Variants in STK32C observed in about 807,000 individuals in gnomAD.
The protein encoded by STK32C is serine/threonine kinase 32C.
In STK32C, 31 loss-of-function variants were observed where a neutral mutation model predicts 56.5. The ratio of observed to expected loss-of-function variants is 0.55; its 90% confidence interval spans 0.41 to 0.74. The LOEUF is 0.74. Among genes scored for constraint, STK32C ranks in the 30% least tolerant of loss-of-function variants. The pLI is 0.00. For missense variants in STK32C, 544 were observed against 676.9 expected (o/e 0.80, Z 2.18); for synonymous variants, 309 against 289.4 (o/e 1.07, Z -0.69).
At chr10:132,278,690 G>A (rs2065061416) in intron 1 of STK32C, among the ~76,000 whole-genome samples, 1 of 151,346 alleles carries the variant, frequency 6.6e-6, no homozygotes, top group African/African-American at 2.4e-5. Flanking sequence ...AACCCGGGAG[G>A]CGGAGCTTGC....
intron 1 of STK32C, among the ~76,000 whole-genome samples, chr10:132,318,626 A>T (rs994482425): frequency 5.9e-5 from 9 of 152,096 alleles, no homozygotes; most frequent in Admixed American, 5.9e-4. Context: ...AAAAACAAAA[A>T]AAAAAAGGAA....
In STK32C at chr10:132,263,903, G is replaced by T. The variant is rs1262472275; in HGVS notation, c.263-17948C>A. ...AAAAAAAGTTGGGATTATAAAAAAA[G>T]AAAAAGCATGGCGCAGTGACACATG... is the stretch of plus-strand genomic sequence containing the variant. On this transcript the variant is annotated intron_variant, in intron 1 of 11. Coordinates refer to ENST00000298630, the MANE Select transcript of STK32C (RefSeq NM_173575.4). Among the ~76,000 whole-genome samples the T allele has an allele frequency of 2.1e-5, 3 of 142,210 alleles. No individual in the cohort carries two copies. The South Asian group carries it at 6.7e-4, about 32-fold the overall frequency. 93.3% of individuals were successfully genotyped at this position (142,210 alleles called of 152,430 possible). A position where few individuals can be genotyped will look rare whatever the true frequency, so the allele number is the denominator to read the frequency against.
chr10:132,229,663 C>A (rs932205192), intron 2 of STK32C, among the ~76,000 whole-genome samples: 4 of 152,216 alleles, frequency 2.6e-5, no homozygotes, highest in Non-Finnish European at 5.9e-5. Flanking sequence ...GCCCTGGAGG[C>A]ACCTGTCTCA....
At chr10:132,331,937 C>CGCT, upstream of STK32C, 1 of 591,164 alleles carries the variant, frequency 1.7e-6, no homozygotes, top group Non-Finnish European at 2.7e-6. Flanking sequence ...GCAAGCGCAA[C>CGCT]CCCCCGCCCC....
chr10:132,294,284 A>G (rs1042763305), intron 1 of STK32C, among the ~76,000 whole-genome samples: 1 of 152,144 alleles, frequency 6.6e-6, no homozygotes, highest in African/African-American at 2.4e-5. Flanking sequence ...GTTGGGGATC[A>G]GGAGTGTCAG....
At chr10:132,210,569 A>C (rs531466932) in intron 10 of STK32C, among the ~76,000 whole-genome samples, 1 of 152,310 alleles carries the variant, frequency 6.6e-6, no homozygotes, top group East Asian at 1.9e-4. Context: ...ATTAATGCTG[A>C]TTGCCAAGTG....
chr10:132,254,778 C>T (rs1280064412), intron 1 of STK32C, among the ~76,000 whole-genome samples: 4 of 151,896 alleles, frequency 2.6e-5, no homozygotes, highest in Admixed American at 2.0e-4. Context: ...TATGTCACCC[C>T]GGCACAATGC....
chr10:132,209,036 TTC>T lies in STK32C; in HGVS notation c.1315_1316del (p.Glu439LysfsTer17). 1 of 1,613,718 alleles carries T rather than the reference TTC, an allele frequency of 6.2e-7. No individual in the cohort carries two copies. Among genetic ancestry groups the T allele is most frequent in the Non-Finnish European group, 8.5e-7 (1 of 1,179,854 alleles). On this transcript the variant is annotated frameshift_variant, in exon 11 of 12. Coordinates refer to ENST00000298630, the MANE Select transcript of STK32C (RefSeq NM_173575.4). LOFTEE classifies it low-confidence loss of function (END_TRUNC). ...CCACCCACCCCCAACACACTCACTT[TTC>T]TCTGTTAAAAATCACGAAGTCTTGC... ...IQQDFVIFNR[E>X]KLKRSQDLPR...
intron 10 of STK32C, among the ~76,000 whole-genome samples, chr10:132,215,554 C>T (rs1049758587): frequency 6.6e-6 from 1 of 150,420 alleles, no homozygotes; most frequent in Non-Finnish European, 1.5e-5. Context: ...GTGACTTGCT[C>T]CTCCTTGCCT....
intron 1 of STK32C, among the ~76,000 whole-genome samples, chr10:132,305,065 G>A (rs918049951): frequency 6.6e-6 from 1 of 152,154 alleles, no homozygotes; most frequent in Admixed American, 6.5e-5. Context: ...CTCGCCCAAC[G>A]CCATGCAGCT....
At position 132,307,633 on chromosome 10, in the gene STK32C, C is replaced by T. The variant is rs762762935; in HGVS notation, c.201G>A (p.Arg67=). The change falls in exon 1 of 12, where the codon AGG becomes AGA. Residue 67 remains arginine (R), a synonymous_variant. Transcript: ENST00000298630. This position sits in a 1 kb window ranked among gnomAD's most constrained non-coding sequence, Gnocchi z 4.4. ...PLFQWSKWKK[R]MGSSMSAATA... is the part of the protein sequence containing the mutation. ...TGGCCGCCGACATGGACGAGCCCAT[C>T]CTCTTCTTCCACTTGCTCCACTGAA... The T allele has an allele frequency of 7.1e-6, 11 of 1,555,808 alleles. No individual in the cohort carries two copies. The South Asian group carries it at 1.3e-4, about 18-fold the overall frequency.
At chr10:132,209,830 T>C (rs2062233349) in intron 10 of STK32C, among the ~76,000 whole-genome samples, 1 of 152,126 alleles carries the variant, frequency 6.6e-6, no homozygotes, top group African/African-American at 2.4e-5. Context: ...CAGTGAAAAG[T>C]GCAGGGAGTC....
intron 10 of STK32C, among the ~76,000 whole-genome samples, chr10:132,216,816 C>T (rs929630680): frequency 7.9e-5 from 12 of 152,162 alleles, no homozygotes; most frequent in East Asian, 1.9e-4. Flanking sequence ...GTGTTGAGCC[C>T]GCAGGTGCAC....
intron 1 of STK32C, among the ~76,000 whole-genome samples, chr10:132,281,178 GACACACAC>G (rs10556901): frequency 0.21 from 31,531 of 149,366 alleles, 3,974 homozygotes; most frequent in Non-Finnish European, 0.31. Flanking sequence ...GATCCTCGTG[GACACACAC>G]ACACACACAC....
intron 1 of STK32C, chr10:132,330,418 T>C: frequency 1.4e-6 from 1 of 717,184 alleles, no homozygotes; most frequent in Admixed American, 2.0e-5. Flanking sequence ...CCTCATTCTC[T>C]CCTTGCTCTG....
chr10:132,246,148 A>G (rs2063682026), intron 1 of STK32C, among the ~76,000 whole-genome samples, 193 bp from the exon 2 acceptor site: 1 of 152,216 alleles, frequency 6.6e-6, no homozygotes, highest in African/African-American at 2.4e-5. Flanking sequence ...CAGTGAAGAC[A>G]TGGGCCTTGG....
At chr10:132,253,593 C>T (rs1477218114) in intron 1 of STK32C, among the ~76,000 whole-genome samples, 9 of 110,460 alleles carry the variant, frequency 8.1e-5, no homozygotes, top group African/African-American at 2.9e-4. Flanking sequence ...TGGAGGGAGC[C>T]GAGGGAGCTG....
chr10:132,225,165 C>T, intron 7 of STK32C, 68 bp downstream of exon 7: 1 of 1,350,256 alleles, frequency 7.4e-7, no homozygotes, highest in Non-Finnish European at 1.0e-6. Context: ...CCACCCCCTC[C>T]CCAGCACTGG....
chr10:132,211,398 G>T (rs991523131), intron 10 of STK32C, among the ~76,000 whole-genome samples: 7 of 152,220 alleles, frequency 4.6e-5, no homozygotes, highest in Non-Finnish European at 8.8e-5. Context: ...CAGTGGCAGG[G>T]GCTGTTGGTC....
Sources: gnomAD v4.1 joint callset for allele counts (sites outside exome capture counted in the v4.1 genomes callset) on GRCh38, gnomAD v4.1.1 for gene constraint, Gnocchi (gnomAD v3.1) non-coding constraint, MANE v1.5 for transcripts, NCBI Gene and HGNC (gene_info 2026-07-23, HGNC 2026-07-21) for gene names.